The following FOXP1 variants were observed in gnomAD, a reference collection of about 807,000 sequenced individuals.
FOXP1 encodes the protein forkhead box P1, also known as forkhead box protein P1.
Under a neutral mutation model 98.2 loss-of-function variants are expected in FOXP1, and 15 were observed. That is an observed-to-expected ratio of 0.15 (90% CI 0.10 to 0.24). The LOEUF is 0.24. Ranked by LOEUF, FOXP1 falls within the 10% of genes least tolerant of loss-of-function variation. The probability of loss-of-function intolerance (pLI) is 1.00; values close to 1 mark genes in which losing one functional copy is unlikely to be tolerated. For missense variants in FOXP1, 633 were observed against 848.5 expected, an observed-to-expected ratio of 0.75 and a Z score of 3.15; for synonymous variants, 371 against 314.5, an observed-to-expected ratio of 1.18 and a Z score of -1.90.
chr3:71,552,650 ATAT>A (rs1192545790), intron 2 of FOXP1, among the ~76,000 whole-genome samples: 1 of 152,072 alleles, frequency 6.6e-6, no homozygotes, highest in Non-Finnish European at 1.5e-5. Context: ...GATATTAAAC[ATAT>A]TATAAAGTAC....
At chr3:71,061,739 T>TA (rs2051513959) in intron 7 of FOXP1, among the ~76,000 whole-genome samples, 1 of 152,210 alleles carries the variant, frequency 6.6e-6, no homozygotes, top group African/African-American at 2.4e-5. Context: ...TTTGCCTAGT[T>TA]ACCAAGAACA....
intron 17 of FOXP1, among the ~76,000 whole-genome samples, chr3:70,975,472 C>A (rs1006791387): frequency 1.3e-5 from 2 of 152,152 alleles, no homozygotes; most frequent in African/African-American, 2.4e-5. Context: ...TATTCGTTTT[C>A]TTTTAAAATG....
At chr3:71,467,040 G>A (rs1393609284) in intron 3 of FOXP1, among the ~76,000 whole-genome samples, 1 of 152,184 alleles carries the variant, frequency 6.6e-6, no homozygotes, top group Non-Finnish European at 1.5e-5. Context: ...AATGCTGAAG[G>A]AGGTGACTGG....
chr3:71,388,347 T>C (rs935329803), intron 3 of FOXP1, among the ~76,000 whole-genome samples: 3 of 152,242 alleles, frequency 2.0e-5, no homozygotes, highest in African/African-American at 7.2e-5. Context: ...TATAGATGGC[T>C]TTCTACTAAT....
chr3:71,166,833 C>G (rs7615617), intron 6 of FOXP1, among the ~76,000 whole-genome samples: 149,667 of 152,192 alleles, frequency 0.98, 73,630 homozygotes, highest in East Asian at 1. Flanking sequence ...TTTATTTTCT[C>G]TGTGTGTGTG....
rs137998118 is a variant in FOXP1 at position 71,400,154 on chromosome 3, T to C, written c.-167-40910A>G. ...GGCTGAACCCATTAAAAAAAAATTT[T>C]GGCAAGTAGGTAAAAAATGTTTATG... On this transcript the variant is annotated intron_variant, in intron 3 of 20. Transcript: ENST00000649528. Among the ~76,000 whole-genome samples, 1,197 of 152,286 alleles carry C rather than the reference T, an allele frequency of 7.9e-3. 22 individuals carry two copies. The highest frequency in any genetic ancestry group is 0.028 in the African/African-American group (1,150 of 41,556).
At chr3:71,004,368 GTAATATGAAA>G (rs1204146292) in intron 12 of FOXP1, among the ~76,000 whole-genome samples, 1 of 152,080 alleles carries the variant, frequency 6.6e-6, no homozygotes, top group African/African-American at 2.4e-5. Flanking sequence ...AGCTAGAAAT[GTAATATGAAA>G]TTCTGATAAT....
intron 5 of FOXP1, among the ~76,000 whole-genome samples, chr3:71,264,411 A>G (rs1024977209): frequency 6.6e-6 from 1 of 152,216 alleles, no homozygotes; most frequent in Non-Finnish European, 1.5e-5. Context: ...TATAAAATCC[A>G]TAATTCCAGA....
At chr3:71,000,588 T>C (rs72961959) in intron 13 of FOXP1, among the ~76,000 whole-genome samples, 3,950 of 151,828 alleles carry the variant, frequency 0.026, 154 homozygotes, top group African/African-American at 0.088. Flanking sequence ...AGTTTAATCA[T>C]ATGAGCAACG....
chr3:71,166,233 T>TTACA (rs2061392077), intron 6 of FOXP1, among the ~76,000 whole-genome samples: 2 of 152,220 alleles, frequency 1.3e-5, no homozygotes, highest in Admixed American at 1.3e-4. Flanking sequence ...TTCAAGGAGC[T>TTACA]TACAGTCTTA....
Position 71,580,783 on chromosome 3 carries a change from T to C in FOXP1, c.-298+766A>G, listed in dbSNP as rs184014626. 5.8e-4 allele frequency: 570 copies of C among 985,326 alleles called. 1 individual carries two copies. The African/African-American group carries it at 8.5e-3, about 15-fold the overall frequency. 61.0% of individuals were successfully genotyped at this position (985,326 alleles called of 1,614,324 possible). A position where few individuals can be genotyped will look rare whatever the true frequency, so the allele number is the denominator to read the frequency against. ...CCTTGAGGTCTTCTCAACTCAGCTATTGTCCAAGCCCTAAACCCTTAAGTC... is the reference window on the plus strand; with the variant it reads ...CCTTGAGGTCTTCTCAACTCAGCTACTGTCCAAGCCCTAAACCCTTAAGTC... On this transcript the variant is annotated intron_variant, in intron 2 of 20. Coordinates refer to ENST00000649528, the MANE Select transcript of FOXP1 (RefSeq NM_001349338.3).
intron 5 of FOXP1, among the ~76,000 whole-genome samples, chr3:71,294,676 A>C (rs1174965369): frequency 6.6e-6 from 1 of 152,198 alleles, no homozygotes. Context: ...TCAATGAAGT[A>C]CTTGTATTCT....
chr3:71,582,844 G>C (rs1247453699), intron 1 of FOXP1: 4 of 967,424 alleles, frequency 4.1e-6, no homozygotes, highest in East Asian at 2.3e-4. Flanking sequence ...CTTCCTCGCC[G>C]CTGACTCTCG....
intron 9 of FOXP1, among the ~76,000 whole-genome samples, chr3:71,048,805 G>T (rs1430512780): frequency 1.4e-5 from 2 of 144,994 alleles, no homozygotes; most frequent in Non-Finnish European, 3.0e-5. Context: ...AGACTATAAT[G>T]GGGGGGGTAC....
intron 6 of FOXP1, among the ~76,000 whole-genome samples, chr3:71,187,614 A>G (rs1576287288): frequency 6.6e-6 from 1 of 152,192 alleles, no homozygotes; most frequent in Non-Finnish European, 1.5e-5. Context: ...ATGATACAGT[A>G]AGTCTATATA....
At chr3:70,997,212 G>A (rs1287131335) in intron 13 of FOXP1, among the ~76,000 whole-genome samples, 1 of 152,202 alleles carries the variant, frequency 6.6e-6, no homozygotes, top group Admixed American at 6.5e-5. Context: ...TTGACGACAA[G>A]CACATCTCTT....
chr3:71,524,721 C>A (rs1005965015), intron 2 of FOXP1, among the ~76,000 whole-genome samples: 1 of 152,144 alleles, frequency 6.6e-6, no homozygotes, highest in Non-Finnish European at 1.5e-5. Context: ...TACAAAGCAA[C>A]GACTATTAAC....
At chr3:71,393,086 T>C (rs755780849) in intron 3 of FOXP1, among the ~76,000 whole-genome samples, 5 of 152,156 alleles carry the variant, frequency 3.3e-5, no homozygotes, top group Non-Finnish European at 5.9e-5. Flanking sequence ...AATAAAAATG[T>C]AGGTATAAGC....
At chr3:71,404,526 G>A (rs148714075) in intron 3 of FOXP1, among the ~76,000 whole-genome samples, 2 of 151,572 alleles carry the variant, frequency 1.3e-5, no homozygotes, top group Admixed American at 1.3e-4. Context: ...AGTTTTCTTA[G>A]TGACACCTGA....
Sources: allele counts gnomAD v4.1 joint callset (sites outside exome capture counted in the v4.1 genomes callset), GRCh38; gene constraint gnomAD v4.1.1; transcripts MANE v1.5; gene names NCBI Gene and HGNC (gene_info 2026-07-23, HGNC 2026-07-21).